Variants in IPO9 observed in about 807,000 individuals in gnomAD.
The protein encoded by IPO9 is importin-9.
IPO9 carries 28 observed loss-of-function variants against 128.6 expected under a neutral mutation model. The observed-to-expected ratio is 0.22, with a 90% confidence interval of 0.16 to 0.30. The LOEUF is 0.30. IPO9 is among the 10% of genes least tolerant of loss of function. The pLI, the probability that IPO9 is intolerant of heterozygous loss-of-function variation, is 1.00. For synonymous variants in IPO9, 455 were observed against 475.8 expected (o/e 0.96, Z 0.57); for missense variants, 935 against 1,293.9 (o/e 0.72, Z 4.26).
intron 6 of IPO9, 87 bp downstream of exon 6, chr1:201,853,184 G>C (rs115612855): frequency 3.1e-6 from 3 of 978,790 alleles, no homozygotes; most frequent in African/African-American, 3.2e-5. Flanking sequence ...ATAGCAGCAC[G>C]AAAAAGCACA....
chr1:201,829,507 G>A (rs1438102041), intron 1 of IPO9, 135 bp downstream of exon 1: 13 of 725,020 alleles, frequency 1.8e-5, no homozygotes, highest in Middle Eastern at 5.6e-4. Flanking sequence ...GGAAGCGAGA[G>A]ATTGATGTCG....
intron 15 of IPO9, among the ~76,000 whole-genome samples, chr1:201,867,382 C>T (rs1015590465): frequency 4.0e-5 from 6 of 151,858 alleles, no homozygotes; most frequent in African/African-American, 1.4e-4. Flanking sequence ...ATATTTTTTA[C>T]AGTAGTAAAA....
chr1:201,871,074 A>T, intron 18 of IPO9, 87 bp from the exon 19 acceptor site: 1 of 1,383,112 alleles, frequency 7.2e-7, no homozygotes, highest in Non-Finnish European at 1.0e-6. Flanking sequence ...TGTAGACTGT[A>T]TTTCTTATCT....
chr1:201,840,553 C>T (rs1023137408), intron 1 of IPO9, among the ~76,000 whole-genome samples: 3 of 152,170 alleles, frequency 2.0e-5, no homozygotes, highest in Non-Finnish European at 4.4e-5. Context: ...ATGCTGAAGA[C>T]ATCTTCAACA....
rs2102878804 is a variant in IPO9, at chr1:201,855,120, A to G, written c.912-4A>G. 6.4e-7 allele frequency: 1 copy of G among 1,573,454 alleles called. No individual in the cohort carries two copies. The highest frequency in any genetic ancestry group is 1.3e-5 in the African/African-American group (1 of 74,104). On this transcript the variant is annotated splice_polypyrimidine_tract_variant and splice_region_variant and intron_variant, in intron 8 of 23. Coordinates refer to ENST00000361565, the MANE Select transcript of IPO9 (RefSeq NM_018085.5). ...AAATTCTATTTCTTTACTCTTCATCATACTTATGTGAGGACAGAAGTAAAT... is the reference window on the plus strand; with the variant it reads ...AAATTCTATTTCTTTACTCTTCATCGTACTTATGTGAGGACAGAAGTAAAT...
intron 4 of IPO9, 109 bp downstream of exon 4, chr1:201,848,703 G>C: frequency 1.9e-6 from 2 of 1,028,412 alleles, no homozygotes; most frequent in Non-Finnish European, 3.0e-6. Context: ...TGCTGCTGAT[G>C]TTATTCCTCC....
intron 11 of IPO9, 90 bp from the exon 12 acceptor site, chr1:201,858,357 A>G (rs889484427): frequency 1.1e-5 from 7 of 621,298 alleles, no homozygotes; most frequent in Non-Finnish European, 1.9e-5. Flanking sequence ...GCTTGAACCA[A>G]TCACTTCTAA....
At position 201,872,668 on chromosome 1, in the gene IPO9, C is replaced by G. The variant is rs564463390; in HGVS notation, c.2577-160C>G. 1.1e-4 allele frequency among the ~76,000 whole-genome samples: 16 copies of G among 152,248 alleles called. No individual in the cohort carries two copies. In the South Asian group the frequency reaches 3.3e-3, roughly 32 times the overall value. ...ATCTCATTAAACCACCTCATGAACTCTAAAATCTCATTTTCAGCTGAACTC... is the reference window on the plus strand; with the variant it reads ...ATCTCATTAAACCACCTCATGAACTGTAAAATCTCATTTTCAGCTGAACTC... On this transcript the variant is annotated intron_variant, in intron 19 of 23. Coordinates refer to ENST00000361565, the MANE Select transcript of IPO9 (RefSeq NM_018085.5).
intron 1 of IPO9, among the ~76,000 whole-genome samples, chr1:201,834,359 C>T (rs72742060): frequency 0.081 from 12,326 of 152,062 alleles, 604 homozygotes; most frequent in Admixed American, 0.13. Context: ...ACGTCAAAGT[C>T]TCATATTCTG....
chr1:201,847,632 A>G lies in IPO9; in HGVS notation c.306A>G (p.Thr102=). ...QSEKFRPPET[T]ERAKIVIREL... ...AGAAATTTAGGCCTCCTGAAACTAC[A>G]GAAAGGGTAAGTCAGTTACTTGATT... is the stretch of plus-strand genomic sequence containing the variant. The change falls in exon 3 of 24, where the codon ACA becomes ACG. Residue 102 remains threonine, a synonymous_variant. Coordinates refer to ENST00000361565, the MANE Select transcript of IPO9 (RefSeq NM_018085.5). The G allele has an allele frequency of 6.2e-7, 1 of 1,609,020 alleles. No individual in the cohort carries two copies. Among genetic ancestry groups the G allele is most frequent in the Non-Finnish European group, 8.5e-7 (1 of 1,175,384 alleles).
intron 14 of IPO9, 127 bp downstream of exon 14, chr1:201,863,734 T>C: frequency 1.2e-6 from 1 of 867,692 alleles, no homozygotes. Flanking sequence ...GGGTGAATGT[T>C]GGAAGGACAG....
chr1:201,841,453 C>T (rs1159473506), intron 1 of IPO9, among the ~76,000 whole-genome samples: 1 of 152,142 alleles, frequency 6.6e-6, no homozygotes, highest in African/African-American at 2.4e-5. Flanking sequence ...GGCATCTGGG[C>T]TATCAGTCAG....
chr1:201,852,202 C>A lies in IPO9; in HGVS notation c.603+10C>A. 1 of 1,571,386 alleles carries A rather than the reference C, an allele frequency of 6.4e-7. No homozygotes were observed. Among genetic ancestry groups the A allele is most frequent in the Non-Finnish European group, 8.8e-7 (1 of 1,141,696 alleles). The stretch of plus-strand genomic sequence containing the variant: ...CTTCACCATGGCTGAGGTATGAAAT[C>A]TCAGCTCCAAGATTATAGTGAGTTC... On this transcript the variant is annotated intron_variant, in intron 5 of 23. Transcript: ENST00000361565.
At chr1:201,832,231 C>T (rs1319799549) in intron 1 of IPO9, among the ~76,000 whole-genome samples, 2 of 150,298 alleles carry the variant, frequency 1.3e-5, no homozygotes, top group Non-Finnish European at 3.0e-5. Context: ...GTAGAAGGAA[C>T]CTTGTTTTCT....
chr1:201,847,503 TG>T (rs1450651857), intron 2 of IPO9, 48 bp from the exon 3 acceptor site: 1 of 1,514,132 alleles, frequency 6.6e-7, no homozygotes. Context: ...TTTTTATGTG[TG>T]AAAAAAATCT....
chr1:201,830,221 A>G (rs1198936955), intron 1 of IPO9, among the ~76,000 whole-genome samples: 2 of 152,202 alleles, frequency 1.3e-5, no homozygotes, highest in Non-Finnish European at 1.5e-5. Flanking sequence ...TGTAAGAAAT[A>G]TATCTGGTCA....
Position 201,866,715 on chromosome 1 carries a change from T to A in IPO9, c.1629-18T>A. 1 of 1,577,360 alleles carries A rather than the reference T, an allele frequency of 6.3e-7. No homozygotes were observed. The highest frequency in any genetic ancestry group is 8.7e-7 in the Non-Finnish European group (1 of 1,147,764). ...TTGAATTTTTTTTAATAATTCTTGC[T>A]TATCTATCTCTCTCTAGTTATTGTG... On this transcript the variant is annotated intron_variant, in intron 14 of 23. Coordinates refer to ENST00000361565, the MANE Select transcript of IPO9 (RefSeq NM_018085.5).
In IPO9 at chr1:201,868,782, G is replaced by T; in HGVS notation, c.1990G>T (p.Ala664Ser). ...IMQAPADKIP[A>S]GLCATAIDIL... ...GCAGGCCCCAGCAGACAAGATTCCT[G>T]CAGGGCTTTGTGCGGTAAGTGGCCG... The change falls in exon 16 of 24, where the codon GCA becomes TCA. Residue 664 changes from alanine to serine, a missense_variant. Physicochemically the swap from Ala to Ser is moderately conservative, Grantham distance 99. Coordinates refer to ENST00000361565, the MANE Select transcript of IPO9 (RefSeq NM_018085.5). 6.2e-7 allele frequency: 1 copy of T among 1,610,654 alleles called. No individual in the cohort carries two copies. The highest frequency in any genetic ancestry group is 8.5e-7 in the Non-Finnish European group (1 of 1,179,120).
Position 201,847,601 on chromosome 1 carries a change from A to T in IPO9, c.275A>T (p.Gln92Leu), listed in dbSNP as rs1187915258. ...KQYVETHWCAQSEKFRPPETT... is the reference protein window; with the variant it reads ...KQYVETHWCALSEKFRPPETT... ...TATGTGGAGACTCACTGGTGTGCCC[A>T]ATCAGAGAAATTTAGGCCTCCTGAA... is the stretch of plus-strand genomic sequence containing the variant. Residue 92 changes from glutamine (Q) to leucine (L), a missense_variant, in exon 3 of 24, where the codon CAA becomes CTA. Transcript: ENST00000361565. 6.2e-7 allele frequency: 1 copy of T among 1,614,080 alleles called. No homozygotes were observed. Among genetic ancestry groups the T allele is most frequent in the Admixed American group, 1.7e-5 (1 of 60,004 alleles).
Sources: gnomAD v4.1 joint callset for allele counts (sites outside exome capture counted in the v4.1 genomes callset) on GRCh38, gnomAD v4.1.1 for gene constraint, MANE v1.5 for transcripts, NCBI Gene and HGNC (gene_info 2026-07-23, HGNC 2026-07-21) for gene names.